Variants in CYB561 observed in about 807,000 individuals in gnomAD.
CYB561 encodes cytochrome b561.
Under a neutral mutation model 25.3 loss-of-function variants are expected in CYB561, and 11 were observed. The ratio of observed to expected loss-of-function variants is 0.44; its 90% CI spans 0.27 to 0.72. CYB561 has a LOEUF of 0.72. Ranked by LOEUF, CYB561 falls within the 30% of genes least tolerant of loss-of-function variation. CYB561 has a pLI of 0.18. For missense variants in CYB561, 295 were observed against 334.9 expected (o/e 0.88, Z 0.93); for synonymous variants, 165 against 158.8 (o/e 1.04, Z -0.29).
At chr17:63,441,441 T>C (rs2049374322) in intron 1 of CYB561, among the ~76,000 whole-genome samples, 1 of 152,216 alleles carries the variant, frequency 6.6e-6, no homozygotes, top group African/African-American at 2.4e-5. Flanking sequence ...GCAGCTCAAC[T>C]CAACCCGCAG....
chr17:63,444,141 C>G lies in CYB561; in HGVS notation c.-14+2104G>C, dbSNP rs542351500. The stretch of plus-strand genomic sequence containing the variant: ...GGGATTACAGGCGTGCTCCACGATG[C>G]CTGGCTAATTTTTTGTATCTTTTGT... On this transcript the variant is annotated intron_variant, in intron 1 of 5. Transcript: ENST00000360793. 8.5e-5 allele frequency among the ~76,000 whole-genome samples: 13 copies of G among 152,244 alleles called. 1 individual carries two copies. In the South Asian group the frequency reaches 2.7e-3, roughly 32 times the overall value.
rs1316326752 is a variant in CYB561 at position 63,434,475 on chromosome 17, G to A, written c.683C>T (p.Ser228Phe). Residue 228 changes from serine to phenylalanine, a missense_variant, in exon 6 of 6, where the codon TCC becomes TTC. By Grantham distance (155) the Ser-to-Phe change is radical (BLOSUM62 -2). Coordinates refer to ENST00000360793, the MANE Select transcript of CYB561 (RefSeq NM_001915.4). ...GGAGAGGGCCTGCTCTTCCGCCTGG[G>A]AAGGCCGCTTCCAGTCGGCCCGGGT... ...ILTRADWKRP[S>F]QAEEQALSMD... 6.2e-7 allele frequency: 1 copy of A among 1,610,740 alleles called. No individual in the cohort carries two copies. Among genetic ancestry groups the A allele is most frequent in the Non-Finnish European group, 8.5e-7 (1 of 1,178,718 alleles).
chr17:63,438,021 AC>A, intron 1 of CYB561: 1 of 1,352,734 alleles, frequency 7.4e-7, no homozygotes. Context: ...TCGCTCTCCT[AC>A]CCGCAAGCCC....
intron 4 of CYB561, 122 bp downstream of exon 4, chr17:63,435,566 T>G: frequency 1.2e-6 from 1 of 867,342 alleles, no homozygotes; most frequent in Non-Finnish European, 1.9e-6. Flanking sequence ...GGAAGGCAGC[T>G]CTCTCACCTG....
At position 63,437,450 on chromosome 17, in the gene CYB561, G is replaced by T; in HGVS notation, c.98C>A (p.Ala33Glu). 1 of 1,613,914 alleles carries T rather than the reference G, an allele frequency of 6.2e-7. No homozygotes were observed. The highest frequency in any genetic ancestry group is 8.5e-7 in the Non-Finnish European group (1 of 1,179,960). The stretch of plus-strand genomic sequence containing the variant: ...GCCGCCTCGGTACAGCCCGAGCCAC[G>T]CGCCGGTCATGGCCACCAAGGTCAG... ...LGLTLVAMTG[A>E]WLGLYRGGIA... The change falls in exon 2 of 6, where the codon GCG becomes GAG. Residue 33 changes from alanine to glutamate, a missense_variant. By Grantham distance (107) the Ala-to-Glu change is moderately radical. Transcript: ENST00000360793.
In CYB561 at chr17:63,440,225, G is replaced by A. The variant is rs549949207; in HGVS notation, c.-13-2665C>T. 82 of 398,662 alleles carry A rather than the reference G, an allele frequency of 2.1e-4. 1 individual carries two copies. The South Asian group carries it at 8.2e-3, about 40-fold the overall frequency. The allele number at this position is 398,662 out of a possible 1,614,324, so 24.7% of individuals were successfully genotyped here. A position where few individuals can be genotyped will look rare whatever the true frequency, so the allele number is the denominator to read the frequency against. On this transcript the variant is annotated intron_variant, in intron 1 of 5. Coordinates refer to ENST00000360793, the MANE Select transcript of CYB561 (RefSeq NM_001915.4). ...CCCACAGACGCTTCAAACCCAGCTC[G>A]TCCCAAGTCACCTTCTCTCCCATCG...
intron 1 of CYB561, among the ~76,000 whole-genome samples, chr17:63,440,499 GCCC>G (rs1379356897): frequency 6.6e-6 from 1 of 152,148 alleles, no homozygotes; most frequent in Non-Finnish European, 1.5e-5. Context: ...CTGCGTAAGT[GCCC>G]CCGAGTGCCA....
At position 63,435,303 on chromosome 17, in the gene CYB561, T is replaced by C. The variant is rs1599115284; in HGVS notation, c.406-60A>G. On this transcript the variant is annotated intron_variant, in intron 4 of 5. Transcript: ENST00000360793. ...CGGCCGGACACCCCAGCAGCCGAGG[T>C]CGGCCAGGCCCACACCCACGTGCCC... is the stretch of plus-strand genomic sequence containing the variant. The C allele has an allele frequency of 1.9e-6, 3 of 1,576,430 alleles. No individual in the cohort carries two copies. In the Admixed American group the frequency reaches 5.3e-5, roughly 28 times the overall value.
rs1599118277 is a variant in CYB561, at chr17:63,437,743, G to A, written c.-13-183C>T. ...CCCCCAGATATGCACAGCCCCCCCCGAAATGCGCACAGCCGCCCCTGCTAG... is the reference window on the plus strand; with the variant it reads ...CCCCCAGATATGCACAGCCCCCCCCAAAATGCGCACAGCCGCCCCTGCTAG... On this transcript the variant is annotated intron_variant, in intron 1 of 5. Coordinates refer to ENST00000360793, the MANE Select transcript of CYB561 (RefSeq NM_001915.4). 25 of 398,260 alleles carry A rather than the reference G, an allele frequency of 6.3e-5. 2 individuals are homozygous for A. Among genetic ancestry groups the A allele is most frequent in the South Asian group, 4.7e-4 (21 of 44,378 alleles). The allele number at this position is 398,260 out of a possible 1,614,324, so 24.7% of individuals were successfully genotyped here.
chr17:63,438,645 C>A (rs1351877552), intron 1 of CYB561, among the ~76,000 whole-genome samples: 1 of 152,182 alleles, frequency 6.6e-6, no homozygotes, highest in Non-Finnish European at 1.5e-5. Context: ...CCCCCAGAAA[C>A]GAGGCCTGCG....
chr17:63,434,206 T>G lies in CYB561; in HGVS notation c.*196A>C. 1 of 572,728 alleles carries G rather than the reference T, an allele frequency of 1.7e-6. No individual in the cohort carries two copies. Among genetic ancestry groups the G allele is most frequent in the Non-Finnish European group, 3.1e-6 (1 of 322,210 alleles). The allele number at this position is 572,728 out of a possible 1,614,324, so 35.5% of individuals were successfully genotyped here. On this transcript the variant is annotated 3_prime_UTR_variant, in exon 6 of 6. Coordinates refer to ENST00000360793, the MANE Select transcript of CYB561 (RefSeq NM_001915.4). Reference sequence around the variant, plus strand: ...GACACGGGAGCCACACACAATGAACTGGTCTATAGCAGCGGAGAAAGGAGA... The same window carrying G: ...GACACGGGAGCCACACACAATGAACGGGTCTATAGCAGCGGAGAAAGGAGA...
chr17:63,435,826 G>A, intron 3 of CYB561, 35 bp from the exon 4 acceptor site: 1 of 1,606,222 alleles, frequency 6.2e-7, no homozygotes, highest in Non-Finnish European at 8.5e-7. Context: ...GGACAGGGTT[G>A]GATGTGGAAA....
chr17:63,438,173 A>G (rs1034471356), intron 1 of CYB561: 5 of 1,535,346 alleles, frequency 3.3e-6, no homozygotes, highest in Non-Finnish European at 3.5e-6. Flanking sequence ...AAGGAAAGAT[A>G]CCCCAAATTC....
At chr17:63,445,397 T>TC (rs1266329670) in intron 1 of CYB561, among the ~76,000 whole-genome samples, 1 of 150,424 alleles carries the variant, frequency 6.6e-6, no homozygotes, top group Non-Finnish European at 1.5e-5. Flanking sequence ...TTTTTTTTTT[T>TC]CATTAGCTAT....
At chr17:63,439,449 C>G (rs375198561) in intron 1 of CYB561, among the ~76,000 whole-genome samples, 2 of 152,252 alleles carry the variant, frequency 1.3e-5, no homozygotes, top group East Asian at 3.9e-4. Flanking sequence ...ACTAGAATCC[C>G]TTGAGCTCAG....
intron 1 of CYB561, chr17:63,438,283 G>C: frequency 7.2e-7 from 1 of 1,393,090 alleles, no homozygotes; most frequent in Non-Finnish European, 9.8e-7. Flanking sequence ...AGGCAAGCGC[G>C]CTCCTTGACG....
At position 63,434,343 on chromosome 17, in the gene CYB561, C is replaced by T. The variant is rs954403033; in HGVS notation, c.*59G>A. ...TCTCCGGAGCCTGCAGTCCTGAAGA[C>T]GCCTCAGCAGGGGCAGGCAAGAAGA... On this transcript the variant is annotated 3_prime_UTR_variant, in exon 6 of 6. Transcript: ENST00000360793. The T allele has an allele frequency of 3.4e-5, 49 of 1,441,012 alleles. 1 individual carries two copies. In the African/African-American group the frequency reaches 4.1e-4, roughly 12 times the overall value. 89.3% of individuals were successfully genotyped at this position (1,441,012 alleles called of 1,614,324 possible).
chr17:63,435,326 C>G, intron 4 of CYB561, 83 bp from the exon 5 acceptor site: 1 of 1,463,550 alleles, frequency 6.8e-7, no homozygotes, highest in Non-Finnish European at 9.4e-7. Flanking sequence ...CACCCACGTG[C>G]CCACGTGGCG....
chr17:63,434,234 C>T lies in CYB561; in HGVS notation c.*168G>A, dbSNP rs2049266854. On this transcript the variant is annotated 3_prime_UTR_variant, in exon 6 of 6. Transcript: ENST00000360793. ...TCTATAGCAGCGGAGAAAGGAGAAGCAGAGGAGGCGGAGACCTGACCCCAG... is the reference window on the plus strand; with the variant it reads ...TCTATAGCAGCGGAGAAAGGAGAAGTAGAGGAGGCGGAGACCTGACCCCAG... 6.5e-6 allele frequency: 4 copies of T among 611,348 alleles called. No individual in the cohort carries two copies. The highest frequency in any genetic ancestry group is 5.9e-5 in the Admixed American group (2 of 33,842). The allele number at this position is 611,348 out of a possible 1,614,324, so 37.9% of individuals were successfully genotyped here.
Sources: allele counts gnomAD v4.1 joint callset (sites outside exome capture counted in the v4.1 genomes callset), GRCh38; gene constraint gnomAD v4.1.1; transcripts MANE v1.5; gene names NCBI Gene and HGNC (gene_info 2026-07-23, HGNC 2026-07-21).